The following MTUS2 variants were observed in gnomAD, a reference collection of about 807,000 sequenced individuals.
The protein encoded by MTUS2 is microtubule associated scaffold protein 2.
Under a neutral mutation model 114.1 loss-of-function variants are expected in MTUS2, and 40 were observed. The observed-to-expected ratio is 0.35, with a 90% confidence interval of 0.27 to 0.46. MTUS2 has a LOEUF of 0.46. MTUS2 is among the 20% of genes least tolerant of loss of function. MTUS2 has a pLI of 1.00. For synonymous variants in MTUS2, 688 were observed against 672.0 expected (o/e 1.02, Z -0.37); for missense variants, 1,679 against 1,705.4 (o/e 0.98, Z 0.27).
intron 4 of MTUS2, among the ~76,000 whole-genome samples, chr13:29,082,090 G>A (rs999047171): frequency 2.0e-5 from 3 of 152,138 alleles, no homozygotes; most frequent in Non-Finnish European, 4.4e-5. Context: ...TTTTAGATGA[G>A]GTCATGAGGA....
Position 29,269,105 on chromosome 13 carries a change from G to T in MTUS2, c.2645-12599G>T, listed in dbSNP as rs114399393. On this transcript the variant is annotated intron_variant, in intron 5 of 15. Coordinates refer to ENST00000612955, the MANE Select transcript of MTUS2 (RefSeq NM_001033602.4). Reference sequence around the variant, plus strand: ...GTCTCAGGAACATGCTCAGTAACTAGTATAATAAAATTAATGAATATAGTC... The same window carrying T: ...GTCTCAGGAACATGCTCAGTAACTATTATAATAAAATTAATGAATATAGTC... Among the ~76,000 whole-genome samples, 853 of 152,244 alleles carry T rather than the reference G, an allele frequency of 5.6e-3. 9 individuals are homozygous for T. Among genetic ancestry groups the T allele is most frequent in the African/African-American group, 0.019 (805 of 41,520 alleles).
chr13:29,270,143 T>C (rs892320924), intron 5 of MTUS2, among the ~76,000 whole-genome samples: 2 of 152,172 alleles, frequency 1.3e-5, no homozygotes, highest in Non-Finnish European at 1.5e-5. Context: ...TACAGGTTTA[T>C]GCCTCGAGTT....
At chr13:29,407,925 C>T (rs1328723030) in intron 8 of MTUS2, among the ~76,000 whole-genome samples, 1 of 152,132 alleles carries the variant, frequency 6.6e-6, no homozygotes, top group Non-Finnish European at 1.5e-5. Flanking sequence ...ATTTGCATTT[C>T]ACTAATTATT....
Position 28,821,883 on chromosome 13 carries a change from G to C in MTUS2, c.-316+1272G>C, listed in dbSNP as rs79873854. Among the ~76,000 whole-genome samples the C allele has an allele frequency of 2.8e-3, 422 of 152,286 alleles. 3 individuals carry two copies. Among genetic ancestry groups the C allele is most frequent in the African/African-American group, 9.1e-3 (379 of 41,544 alleles). ...TACAGCATGTAGACTTTTGTGTTTT[G>C]TCTAAATGCTCTTTCTTGATTTTCC... is the stretch of plus-strand genomic sequence containing the variant. On this transcript the variant is annotated intron_variant, in intron 1 of 15. Transcript: ENST00000612955.
At chr13:29,262,900 A>G (rs73451246) in intron 5 of MTUS2, among the ~76,000 whole-genome samples, 42 of 152,252 alleles carry the variant, frequency 2.8e-4, no homozygotes, top group African/African-American at 8.9e-4. Context: ...GATGAAAGAG[A>G]GCTGCTTCTG....
chr13:28,845,667 T>G (rs957288083), intron 2 of MTUS2, among the ~76,000 whole-genome samples: 3 of 151,942 alleles, frequency 2.0e-5, no homozygotes, highest in Non-Finnish European at 4.4e-5. Flanking sequence ...TTTGTTTTTT[T>G]TTTTTAACCT....
At chr13:29,275,497 CCTA>C (rs1898030697) in intron 5 of MTUS2, among the ~76,000 whole-genome samples, 1 of 152,008 alleles carries the variant, frequency 6.6e-6, no homozygotes, top group Non-Finnish European at 1.5e-5. Flanking sequence ...ATTAACCATC[CCTA>C]CTCCCTCTGC....
At chr13:28,871,969 A>G (rs1877645692) in intron 2 of MTUS2, among the ~76,000 whole-genome samples, 1 of 152,218 alleles carries the variant, frequency 6.6e-6, no homozygotes, top group Non-Finnish European at 1.5e-5. Flanking sequence ...AGAGGGAGGC[A>G]GGAGGCAGAT....
intron 6 of MTUS2, among the ~76,000 whole-genome samples, chr13:29,309,739 T>C (rs1165060346): frequency 6.6e-6 from 1 of 152,162 alleles, no homozygotes; most frequent in East Asian, 1.9e-4. Context: ...TTTTGCATGC[T>C]TAATAAGGGC....
chr13:29,235,222 G>A (rs561137348), intron 5 of MTUS2, among the ~76,000 whole-genome samples: 4 of 151,942 alleles, frequency 2.6e-5, no homozygotes, highest in Admixed American at 6.6e-5. Flanking sequence ...TCAGCCTTCC[G>A]AGTAGCTGGG....
At position 29,503,281 on chromosome 13, in the gene MTUS2, C is replaced by T; in HGVS notation, c.*75C>T. On this transcript the variant is annotated 3_prime_UTR_variant, in exon 16 of 16. Transcript: ENST00000612955. ...ACCCTGAGGGAGCACCGACCCGGTGCCGCCGGAGCTGGCCCTGTGCGCATG... is the reference window on the plus strand; with the variant it reads ...ACCCTGAGGGAGCACCGACCCGGTGTCGCCGGAGCTGGCCCTGTGCGCATG... The T allele has an allele frequency of 6.5e-6, 10 of 1,538,848 alleles. No individual in the cohort carries two copies. Among genetic ancestry groups the T allele is most frequent in the South Asian group, 1.1e-5 (1 of 88,474 alleles).
intron 9 of MTUS2, among the ~76,000 whole-genome samples, chr13:29,464,752 C>T (rs775316157): frequency 4.0e-5 from 6 of 151,814 alleles, no homozygotes; most frequent in Non-Finnish European, 7.3e-5. Flanking sequence ...GCTTAAGAAG[C>T]ACTGTCTGCT....
At chr13:29,186,452 A>G (rs915985584) in intron 5 of MTUS2, among the ~76,000 whole-genome samples, 1 of 152,238 alleles carries the variant, frequency 6.6e-6, no homozygotes, top group African/African-American at 2.4e-5. Flanking sequence ...GGAAAAATGT[A>G]AACAGGATCC....
intron 8 of MTUS2, among the ~76,000 whole-genome samples, chr13:29,408,859 A>G (rs1593411833): frequency 6.6e-6 from 1 of 152,142 alleles, no homozygotes; most frequent in Non-Finnish European, 1.5e-5. Flanking sequence ...TTCCAATCCA[A>G]CACCACAGGG....
chr13:29,232,581 G>A (rs1282143131), intron 5 of MTUS2, among the ~76,000 whole-genome samples: 4 of 152,176 alleles, frequency 2.6e-5, no homozygotes, highest in Admixed American at 1.3e-4. Flanking sequence ...GAAAATCAAA[G>A]CAGAAAGAGT....
intron 11 of MTUS2, among the ~76,000 whole-genome samples, chr13:29,488,871 A>G (rs1175287455): frequency 6.6e-6 from 1 of 152,060 alleles, no homozygotes; most frequent in East Asian, 1.9e-4. Flanking sequence ...TTCCAGTGAG[A>G]TTTTCCTTTG....
chr13:29,011,913 A>T (rs895628566), intron 2 of MTUS2, among the ~76,000 whole-genome samples: 2 of 152,230 alleles, frequency 1.3e-5, no homozygotes, highest in Admixed American at 1.3e-4. Context: ...AAAGGATATG[A>T]GCTTCTGATG....
chr13:28,921,779 C>T (rs755697100), intron 2 of MTUS2, among the ~76,000 whole-genome samples: 15 of 152,126 alleles, frequency 9.9e-5, no homozygotes, highest in Non-Finnish European at 2.1e-4. Flanking sequence ...GCTAGCTGAG[C>T]CCAGCATGTC....
intron 8 of MTUS2, among the ~76,000 whole-genome samples, chr13:29,435,611 G>A (rs772306969): frequency 6.6e-6 from 1 of 152,188 alleles, no homozygotes; most frequent in African/African-American, 2.4e-5. Flanking sequence ...GCAAAGAGCA[G>A]TAAATGGAAG....
Sources: allele counts gnomAD v4.1 joint callset (sites outside exome capture counted in the v4.1 genomes callset), GRCh38; gene constraint gnomAD v4.1.1; transcripts MANE v1.5; gene names NCBI Gene and HGNC (gene_info 2026-07-23, HGNC 2026-07-21).